The following CHD1L variants were observed in gnomAD, a reference collection of about 807,000 sequenced individuals.
The protein encoded by CHD1L is ATP-dependent chromatin remodeler CHD1L.
In CHD1L, 118 loss-of-function variants were observed where a neutral mutation model predicts 115.9. The ratio of observed to expected loss-of-function variants is 1.02; its 90% CI spans 0.88 to 1.19. The LOEUF (loss-of-function observed/expected upper bound fraction) is 1.19. CHD1L is among the 50% of genes most tolerant of loss of function. The pLI is 0.00. For missense variants in CHD1L, 1,179 were observed against 1,065.3 expected, an observed-to-expected ratio of 1.11 and a Z score of -1.49; for synonymous variants, 411 against 387.1, an observed-to-expected ratio of 1.06 and a Z score of -0.72.
intron 1 of CHD1L, among the ~76,000 whole-genome samples, chr1:147,248,249 C>G (rs1014643288): frequency 5.3e-5 from 8 of 151,000 alleles, no homozygotes; most frequent in Non-Finnish European, 1.0e-4. Flanking sequence ...CTCTTGTTGC[C>G]CAGGCTGGAG....
chr1:147,192,353 A>G, the CHD1L span, among the ~76,000 whole-genome samples: 2 of 152,002 alleles, frequency 1.3e-5, no homozygotes, highest in African/African-American at 4.8e-5. Context: ...ATTTTTGTAC[A>G]TTGATTTTGT....
chr1:147,286,500 G>GGTAC lies in CHD1L; in HGVS notation c.2221+2_2221+5dup. 1.2e-6 allele frequency: 2 copies of GGTAC among 1,613,062 alleles called. No homozygotes were observed. Among genetic ancestry groups the GGTAC allele is most frequent in the East Asian group, 4.5e-5 (2 of 44,864 alleles). ...GGATGCTCTCATTGTGCACTGCGTAGGTACGAGAAGTGGTATGGGCTGGGG... is the reference window on the plus strand; with the variant it reads ...GGATGCTCTCATTGTGCACTGCGTAGGTACGTACGAGAAGTGGTATGGGCTGGGG... On this transcript the variant is annotated frameshift_variant and splice_region_variant. Coordinates refer to ENST00000369258, the MANE Select transcript of CHD1L (RefSeq NM_004284.6). LOFTEE classifies it high-confidence loss of function.
At chr1:147,173,299 C>T in the CHD1L span, 1 of 152,878 alleles carries the variant, frequency 6.5e-6, no homozygotes, top group South Asian at 2.1e-4. Flanking sequence ...TACTCCGTCC[C>T]CCTCTCCCCG....
chr1:147,182,779 A>G, the CHD1L span, among the ~76,000 whole-genome samples: 1 of 152,230 alleles, frequency 6.6e-6, no homozygotes, highest in Non-Finnish European at 1.5e-5. Context: ...GTCAAGGATG[A>G]CATATATATA....
At chr1:147,268,919 TG>T (rs1267761619) in intron 10 of CHD1L, 41 bp downstream of exon 10, 2 of 1,473,642 alleles carry the variant, frequency 1.4e-6, no homozygotes, top group Admixed American at 3.5e-5. Flanking sequence ...AGCTAATGAC[TG>T]TTAAAACCTG....
At chr1:147,189,018 G>A in the CHD1L span, among the ~76,000 whole-genome samples, 1 of 152,186 alleles carries the variant, frequency 6.6e-6, no homozygotes, top group African/African-American at 2.4e-5. Context: ...GCTCATGCCT[G>A]TAATCCCAGC....
At chr1:147,231,044 G>T in the CHD1L span, among the ~76,000 whole-genome samples, 1,961 of 152,028 alleles carry the variant, frequency 0.013, 41 homozygotes, top group African/African-American at 0.045. Context: ...CTTGCCTTCT[G>T]CTAGCTTTTG....
the CHD1L span, among the ~76,000 whole-genome samples, chr1:147,177,087 C>T: frequency 7.2e-5 from 11 of 152,022 alleles, no homozygotes; most frequent in African/African-American, 2.2e-4. Flanking sequence ...GTTTCTAATA[C>T]TGTTCTCCAA....
chr1:147,250,783 C>G (rs1668158500), intron 1 of CHD1L, among the ~76,000 whole-genome samples: 1 of 150,660 alleles, frequency 6.6e-6, no homozygotes, highest in Non-Finnish European at 1.5e-5. Context: ...CTGCCATTTT[C>G]TAGCTGGAGC....
In CHD1L at chr1:147,242,713, G is replaced by A; in HGVS notation, c.10G>A (p.Ala4Thr). 7.9e-7 allele frequency: 1 copy of A among 1,258,292 alleles called. No homozygotes were observed. Among genetic ancestry groups the A allele is most frequent in the East Asian group, 3.1e-5 (1 of 32,758 alleles). The allele number at this position is 1,258,292 out of a possible 1,614,324, so 77.9% of individuals were successfully genotyped here. A position where few individuals can be genotyped will look rare whatever the true frequency, so the allele number is the denominator to read the frequency against. The change falls in exon 1 of 23, where the codon GCG becomes ACG. Residue 4 changes from alanine to threonine, a missense_variant. Coordinates refer to ENST00000369258, the MANE Select transcript of CHD1L (RefSeq NM_004284.6). ...GGCCTCTACCGGCCCGATGGAGCGC[G>A]CGGGCGCTACTAGCCGCGGGGGCCA... is the stretch of plus-strand genomic sequence containing the variant. MER[A>T]GATSRGGQAP...
the CHD1L span, among the ~76,000 whole-genome samples, chr1:147,220,596 C>T: frequency 0.15 from 22,129 of 152,098 alleles, 1,582 homozygotes; most frequent in South Asian, 0.18. Context: ...AACTGACAAA[C>T]GCTATTTCAA....
At chr1:147,179,730 C>T in the CHD1L span, 10 of 676,538 alleles carry the variant, frequency 1.5e-5, no homozygotes, top group East Asian at 2.7e-5. Context: ...GTCTCAGGGC[C>T]GAGAGGACAG....
chr1:147,293,435 C>T (rs969750209), intron 20 of CHD1L, among the ~76,000 whole-genome samples, 173 bp from the exon 21 acceptor site: 6 of 152,076 alleles, frequency 3.9e-5, no homozygotes, highest in African/African-American at 7.2e-5. Flanking sequence ...AGAATTATGA[C>T]GGGATATGAA....
upstream of CHD1L, among the ~76,000 whole-genome samples, chr1:147,241,951 G>T (rs868908582): frequency 1.3e-5 from 2 of 152,116 alleles, no homozygotes; most frequent in African/African-American, 2.4e-5. Context: ...GGTTAAATAA[G>T]AAAATATACT....
chr1:147,193,109 G>C, the CHD1L span, among the ~76,000 whole-genome samples: 1 of 152,094 alleles, frequency 6.6e-6, no homozygotes, highest in African/African-American at 2.4e-5. Context: ...TGTACCTCTG[G>C]TAGAATTCGG....
chr1:147,191,771 C>A, the CHD1L span, among the ~76,000 whole-genome samples: 3 of 151,994 alleles, frequency 2.0e-5, no homozygotes, highest in Non-Finnish European at 4.4e-5. Flanking sequence ...ATAGGGAATC[C>A]TTTCCCCATT....
At chr1:147,237,325 T>A in the CHD1L span, among the ~76,000 whole-genome samples, 1 of 151,708 alleles carries the variant, frequency 6.6e-6, no homozygotes, top group Non-Finnish European at 1.5e-5. Context: ...TTTGAGCAGC[T>A]ATAGCTGCAC....
rs1465492698 is a variant in CHD1L at position 147,295,462 on chromosome 1, C to T, written c.2647C>T (p.Leu883Phe). The T allele has an allele frequency of 2.2e-5, 35 of 1,611,410 alleles. No homozygotes were observed. Among genetic ancestry groups the T allele is most frequent in the Middle Eastern group, 1.7e-4 (1 of 5,996 alleles). ...YYFPRSKSAV[L>F]HSQSSSSSSR... ...TTTTCCTAGAAGCAAGTCTGCTGTC[C>T]TTCATTCACAGTCTTCATCTTCCTC... The change falls in exon 23 of 23, where the codon CTT becomes TTT. Residue 883 changes from leucine to phenylalanine, a missense_variant. By Grantham distance (22) the Leu-to-Phe change is conservative. Transcript: ENST00000369258.
chr1:147,252,363 T>C (rs1668668340), intron 1 of CHD1L, among the ~76,000 whole-genome samples: 1 of 152,214 alleles, frequency 6.6e-6, no homozygotes, highest in African/African-American at 2.4e-5. Flanking sequence ...CCAAGTTGAC[T>C]TTCTCATTTA....
Sources: gnomAD v4.1 joint callset for allele counts (sites outside exome capture counted in the v4.1 genomes callset) on GRCh38, gnomAD v4.1.1 for gene constraint, MANE v1.5 for transcripts, NCBI Gene and HGNC (gene_info 2026-07-23, HGNC 2026-07-21) for gene names.